The following RPS6KA3 variants were observed in gnomAD, a reference collection of about 807,000 sequenced individuals.
RPS6KA3 encodes the protein ribosomal protein S6 kinase alpha-3.
A neutral mutation model predicts 67.2 loss-of-function variants in RPS6KA3; 4 were observed. The ratio of observed to expected loss-of-function variants is 0.06; its 90% CI spans 0.03 to 0.14. The LOEUF (loss-of-function observed/expected upper bound fraction) is 0.14. Ranked by LOEUF, RPS6KA3 falls within the 10% of genes least tolerant of loss-of-function variation. The pLI, the probability that RPS6KA3 is intolerant of heterozygous loss-of-function variation, is 1.00. For synonymous variants in RPS6KA3, 182 were observed against 183.7 expected, an observed-to-expected ratio of 0.99 and a Z score of 0.07; for missense variants, 204 against 559.0, an observed-to-expected ratio of 0.36 and a Z score of 6.40.
intron 4 of RPS6KA3, among the ~76,000 whole-genome samples, chrX:20,202,635 T>C (rs2068470279): frequency 8.9e-6 from 1 of 112,217 alleles, no homozygotes; most frequent in Admixed American, 9.5e-5. Context: ...GTAGTGAGAT[T>C]CTTAACAGTT....
chrX:20,228,268 G>C (rs1205451719), intron 2 of RPS6KA3, among the ~76,000 whole-genome samples: 1 of 111,957 alleles, frequency 8.9e-6, no homozygotes, highest in Non-Finnish European at 1.9e-5. Context: ...GAGGCATTAG[G>C]AAGTGGCCTG....
At chrX:20,171,485 T>C in intron 15 of RPS6KA3, among the ~76,000 whole-genome samples, 1 of 111,772 alleles carries the variant, frequency 8.9e-6, no homozygotes. Context: ...CAGAACACAC[T>C]GGGAGGGGTC....
At chrX:20,225,263 T>G (rs1186046275) in intron 2 of RPS6KA3, among the ~76,000 whole-genome samples, 4 of 102,828 alleles carry the variant, frequency 3.9e-5, no homozygotes, top group Non-Finnish European at 8.0e-5. Flanking sequence ...TTGTTTTTTT[T>G]TTTTTTAAGC....
At chrX:20,266,485 G>A in intron 1 of RPS6KA3, 79 bp downstream of exon 1, 2 of 844,105 alleles carry the variant, frequency 2.4e-6, no homozygotes, top group Non-Finnish European at 3.3e-6. Context: ...GGGCCGAGTG[G>A]CCAGCTCCGG....
chrX:20,161,621 TTATAA>T lies in RPS6KA3; in HGVS notation c.1959+18_1959+22del. 4 of 846,737 alleles carry T rather than the reference TTATAA, an allele frequency of 4.7e-6. No homozygotes were observed. In the South Asian group the frequency reaches 8.3e-5, roughly 18 times the overall value. 69.8% of individuals were successfully genotyped at this position (846,737 alleles called of 1,213,427 possible). Reference sequence around the variant, plus strand: ...CATAAAAAGTTATTTTCTCAAAATCTTATAATAGGAAGTGATACTTACCTTTGCTG... The same window carrying T: ...CATAAAAAGTTATTTTCTCAAAATCTTAGGAAGTGATACTTACCTTTGCTG... On this transcript the variant is annotated intron_variant, in intron 20 of 21. Transcript: ENST00000379565.
intron 17 of RPS6KA3, 100 bp downstream of exon 17, chrX:20,167,488 TA>T: frequency 5.1e-6 from 4 of 786,770 alleles, no homozygotes; most frequent in Non-Finnish European, 7.8e-6. Context: ...TAATAGCAGT[TA>T]TTTTCCATTT....
In RPS6KA3 at chrX:20,259,799, C is replaced by G. The variant is rs1004701613; in HGVS notation, c.69+6765G>C. Among the ~76,000 whole-genome samples, 16 of 111,734 alleles carry G rather than the reference C, an allele frequency of 1.4e-4. 1 individual carries two copies. The highest frequency in any genetic ancestry group is 5.2e-4 in the African/African-American group (16 of 30,688). ...ATTATACAGTAAAGACAGGTTAAAT[C>G]TTATTTAATGCCACATTTCCCCAAC... On this transcript the variant is annotated intron_variant, in intron 1 of 21. Coordinates refer to ENST00000379565, the MANE Select transcript of RPS6KA3 (RefSeq NM_004586.3).
At position 20,167,115 on chromosome X, in the gene RPS6KA3, G is replaced by A. The variant is rs1452318208; in HGVS notation, c.1602+474C>T. 4.5e-5 allele frequency among the ~76,000 whole-genome samples: 5 copies of A among 111,854 alleles called. No individual in the cohort carries two copies. In the South Asian group the frequency reaches 1.5e-3, roughly 33 times the overall value. On this transcript the variant is annotated intron_variant, in intron 17 of 21. Coordinates refer to ENST00000379565, the MANE Select transcript of RPS6KA3 (RefSeq NM_004586.3). ...GCTGGGATTACAGGCATAAGCTACC[G>A]TGCCCAGCCTAGAAATACAATTTTC...
At chrX:20,233,983 G>T (rs2069341547) in intron 2 of RPS6KA3, among the ~76,000 whole-genome samples, 1 of 112,168 alleles carries the variant, frequency 8.9e-6, no homozygotes, top group Non-Finnish European at 1.9e-5. Context: ...ATTCATTTAT[G>T]TAATATTTAA....
In RPS6KA3 at chrX:20,151,457, T is replaced by C. The variant is rs1463712174; in HGVS notation, c.*3941A>G. On this transcript the variant is annotated 3_prime_UTR_variant, in exon 22 of 22. Transcript: ENST00000379565. ...TCTGTGAATTAAGTAAGGCTCAAAG[T>C]ATATATCCAGTTTAAAGTTAGTTAC... is the stretch of plus-strand genomic sequence containing the variant. 2 of 112,410 alleles carry C rather than the reference T, an allele frequency of 1.8e-5. No homozygotes were observed. Among genetic ancestry groups the C allele is most frequent in the Admixed American group, 9.5e-5 (1 of 10,573 alleles). The allele number at this position is 112,410 out of a possible 1,213,427, so 9.3% of individuals were successfully genotyped here. A position where few individuals can be genotyped will look rare whatever the true frequency, so the allele number is the denominator to read the frequency against.
In RPS6KA3 at chrX:20,266,548, G is replaced by A. The variant is rs2070392201; in HGVS notation, c.69+16C>T. The stretch of plus-strand genomic sequence containing the variant: ...AGGAGGAGATGCGCCGGCCCCGGCC[G>A]CCCTGCTGCACTCACCTCAGCGCTG... On this transcript the variant is annotated intron_variant, in intron 1 of 21. Coordinates refer to ENST00000379565, the MANE Select transcript of RPS6KA3 (RefSeq NM_004586.3). 1 of 1,141,870 alleles carries A rather than the reference G, an allele frequency of 8.8e-7. No homozygotes were observed. Among genetic ancestry groups the A allele is most frequent in the Non-Finnish European group, 1.2e-6 (1 of 858,496 alleles). 94.1% of individuals were successfully genotyped at this position (1,141,870 alleles called of 1,213,427 possible).
chrX:20,253,838 T>C (rs1224233912), intron 1 of RPS6KA3, among the ~76,000 whole-genome samples: 1 of 110,680 alleles, frequency 9.0e-6, no homozygotes, highest in Non-Finnish European at 1.9e-5. Context: ...GACTTTAATG[T>C]TCCAAAAGAA....
At chrX:20,206,152 C>T (rs2068569248) in intron 3 of RPS6KA3, among the ~76,000 whole-genome samples, 1 of 111,843 alleles carries the variant, frequency 8.9e-6, no homozygotes, top group Non-Finnish European at 1.9e-5. Flanking sequence ...ATCTCTTCCT[C>T]CACCAGAGCA....
chrX:20,169,357 G>T, intron 16 of RPS6KA3, 45 bp downstream of exon 16: 3 of 820,379 alleles, frequency 3.7e-6, no homozygotes, highest in Non-Finnish European at 1.9e-6. Context: ...TTCAATGTGA[G>T]TTAGACAACT....
chrX:20,238,645 C>A (rs1187942680), intron 1 of RPS6KA3, among the ~76,000 whole-genome samples: 1 of 111,150 alleles, frequency 9.0e-6, no homozygotes. Flanking sequence ...GAAACATAAT[C>A]TGAAGGGTAT....
intron 4 of RPS6KA3, among the ~76,000 whole-genome samples, chrX:20,203,198 A>G (rs912552199): frequency 1.8e-5 from 2 of 111,903 alleles, no homozygotes; most frequent in African/African-American, 3.3e-5. Flanking sequence ...TGAGGTTAAA[A>G]TAAGTGATAC....
chrX:20,243,055 TA>T (rs776420783), intron 1 of RPS6KA3, among the ~76,000 whole-genome samples: 16 of 105,319 alleles, frequency 1.5e-4, no homozygotes, highest in East Asian at 1.2e-3. Flanking sequence ...CAGATAAGTA[TA>T]AAAAAAAAAT....
chrX:20,225,897 G>T (rs2069108049), intron 2 of RPS6KA3, among the ~76,000 whole-genome samples: 1 of 112,232 alleles, frequency 8.9e-6, no homozygotes, highest in South Asian at 3.7e-4. Flanking sequence ...AGATGGAAAA[G>T]AAGTGGGGCC....
chrX:20,266,579 C>T lies in RPS6KA3; in HGVS notation c.54G>A (p.Pro18=), dbSNP rs951452418. ...CTGCACTCACCTCAGCGCTGTCGGA[C>T]GGGCTCTCCACAGCCATCTTCTGCC... ...DPWQKMAVES[P]SDSAENGQQI... is the part of the protein sequence containing the mutation. The change falls in exon 1 of 22, where the codon CCG becomes CCA. Residue 18 remains proline (P), a synonymous_variant. Coordinates refer to ENST00000379565, the MANE Select transcript of RPS6KA3 (RefSeq NM_004586.3). 1 of 1,153,706 alleles carries T rather than the reference C, an allele frequency of 8.7e-7. No homozygotes were observed. Among genetic ancestry groups the T allele is most frequent in the East Asian group, 3.3e-5 (1 of 30,418 alleles).
Sources: allele counts gnomAD v4.1 joint callset (sites outside exome capture counted in the v4.1 genomes callset), GRCh38; gene constraint gnomAD v4.1.1; transcripts MANE v1.5; gene names NCBI Gene and HGNC (gene_info 2026-07-23, HGNC 2026-07-21).